PDE1A: variants seen among roughly 807,000 people sequenced by gnomAD.
PDE1A encodes dual specificity calcium/calmodulin-dependent 3',5'-cyclic nucleotide phosphodiesterase 1A.
PDE1A carries 35 observed loss-of-function variants against 61.7 expected under a neutral mutation model. That is an observed-to-expected ratio of 0.57 (90% CI 0.43 to 0.75). The LOEUF (loss-of-function observed/expected upper bound fraction) is 0.75, where lower values mean the gene tolerates loss of function less well. Ranked by LOEUF, PDE1A falls within the 30% of genes least tolerant of loss-of-function variation. The probability of loss-of-function intolerance (pLI) is 0.00; values close to 1 mark genes in which losing one functional copy is unlikely to be tolerated. For synonymous variants in PDE1A, 232 were observed against 213.2 expected, an observed-to-expected ratio of 1.09 and a Z score of -0.77; for missense variants, 597 against 630.6, an observed-to-expected ratio of 0.95 and a Z score of 0.57.
At chr2:182,406,747 C>T (rs1702318417) in intron 1 of PDE1A, among the ~76,000 whole-genome samples, 1 of 151,854 alleles carries the variant, frequency 6.6e-6, no homozygotes, top group African/African-American at 2.4e-5. Flanking sequence ...TGAAATTGTG[C>T]TGGTATACCA....
At chr2:182,197,006 C>T (rs1686186991) in intron 10 of PDE1A, among the ~76,000 whole-genome samples, 1 of 151,662 alleles carries the variant, frequency 6.6e-6, no homozygotes, top group Admixed American at 6.6e-5. Flanking sequence ...CAGTAGTTTT[C>T]CAGAGTGATT....
intron 1 of PDE1A, among the ~76,000 whole-genome samples, chr2:182,344,446 G>T (rs1476929627): frequency 6.6e-6 from 1 of 152,102 alleles, no homozygotes; most frequent in Non-Finnish European, 1.5e-5. Flanking sequence ...AACATAATTT[G>T]ATTGTCTCCA....
rs574106876 is a variant in PDE1A at position 182,252,463 on chromosome 2, A to G, written c.167+11838T>C. On this transcript the variant is annotated intron_variant, in intron 2 of 13. Transcript: ENST00000351439. The stretch of plus-strand genomic sequence containing the variant: ...GGAAAAATCCATGTCCCATGGAAGG[A>G]AGAGAGACCCAGGAAAAGATAATAG... 2.0e-5 allele frequency among the ~76,000 whole-genome samples: 3 copies of G among 152,310 alleles called. No homozygotes were observed. The South Asian group carries it at 6.2e-4, about 32-fold the overall frequency.
At chr2:182,265,323 G>A (rs1481502189) in intron 1 of PDE1A, among the ~76,000 whole-genome samples, 1 of 151,952 alleles carries the variant, frequency 6.6e-6, no homozygotes, top group Non-Finnish European at 1.5e-5. Context: ...AAAACAAAGA[G>A]TGCTTTTCTG....
chr2:182,261,077 G>C (rs942962477), intron 2 of PDE1A, among the ~76,000 whole-genome samples: 6 of 152,096 alleles, frequency 3.9e-5, no homozygotes, highest in Non-Finnish European at 5.9e-5. Context: ...TTAGCATATA[G>C]TGGGCCCTTA....
intron 1 of PDE1A, among the ~76,000 whole-genome samples, chr2:182,316,878 T>G (rs1696370698): frequency 6.6e-6 from 1 of 152,204 alleles, no homozygotes; most frequent in African/African-American, 2.4e-5. Flanking sequence ...AAAGAAAATC[T>G]GCCAAATTGC....
chr2:182,684,765 G>A, the PDE1A span, among the ~76,000 whole-genome samples: 4 of 151,926 alleles, frequency 2.6e-5, no homozygotes, highest in Non-Finnish European at 4.4e-5. Context: ...TGGCCAGGCT[G>A]GTCTCGAATT....
At chr2:182,569,649 G>C in the PDE1A span, among the ~76,000 whole-genome samples, 1 of 152,208 alleles carries the variant, frequency 6.6e-6, no homozygotes, top group Non-Finnish European at 1.5e-5. Flanking sequence ...TGGTTTCAAA[G>C]TAGAAATGGA....
the PDE1A span, among the ~76,000 whole-genome samples, chr2:182,680,356 A>T: frequency 6.6e-6 from 1 of 152,090 alleles, no homozygotes; most frequent in East Asian, 1.9e-4. Flanking sequence ...GACTACAGGG[A>T]TGCATCACCA....
chr2:182,264,287 A>C lies in PDE1A; in HGVS notation c.167+14T>G. 1.3e-6 allele frequency: 2 copies of C among 1,515,856 alleles called. No homozygotes were observed. Among genetic ancestry groups the C allele is most frequent in the Non-Finnish European group, 1.8e-6 (2 of 1,096,950 alleles). The allele number at this position is 1,515,856 out of a possible 1,614,324, so 93.9% of individuals were successfully genotyped here. A position where few individuals can be genotyped will look rare whatever the true frequency, so the allele number is the denominator to read the frequency against. On this transcript the variant is annotated intron_variant, in intron 2 of 13. Transcript: ENST00000351439. ...GAATCAAAGAAGATAAAAGAGAAGAAGGTTAAAACTTACCTTGTTTCATCG... is the reference window on the plus strand; with the variant it reads ...GAATCAAAGAAGATAAAAGAGAAGACGGTTAAAACTTACCTTGTTTCATCG...
chr2:182,229,218 T>C (rs1689372781), intron 6 of PDE1A, among the ~76,000 whole-genome samples: 2 of 152,162 alleles, frequency 1.3e-5, no homozygotes, highest in Admixed American at 1.3e-4. Flanking sequence ...AGGAATTTTT[T>C]TTTAAATGAT....
chr2:182,561,688 G>A, the PDE1A span, among the ~76,000 whole-genome samples: 2 of 152,066 alleles, frequency 1.3e-5, no homozygotes, highest in Non-Finnish European at 2.9e-5. Context: ...CTACCCATGA[G>A]CATGGAATGT....
chr2:182,685,779 G>C, the PDE1A span, among the ~76,000 whole-genome samples: 2 of 152,128 alleles, frequency 1.3e-5, no homozygotes, highest in Non-Finnish European at 2.9e-5. Context: ...AAGTGCTTTT[G>C]CTTTTTGATC....
chr2:182,619,651 AT>A, the PDE1A span, among the ~76,000 whole-genome samples: 33 of 152,068 alleles, frequency 2.2e-4, no homozygotes, highest in Non-Finnish European at 1.2e-4. Flanking sequence ...ATAGGACAAG[AT>A]TTTTTTCTTT....
chr2:182,491,186 G>A (rs569619234), intron 2 of PDE1A, among the ~76,000 whole-genome samples: 45 of 152,292 alleles, frequency 3.0e-4, no homozygotes, highest in Middle Eastern at 3.4e-3. Flanking sequence ...GTGGTCATAC[G>A]TTTAGGGTAA....
At chr2:182,312,459 TTTGAG>T (rs1262025881) in intron 1 of PDE1A, among the ~76,000 whole-genome samples, 1 of 152,192 alleles carries the variant, frequency 6.6e-6, no homozygotes. Context: ...TATAATTCAT[TTTGAG>T]TTAATATTTT....
chr2:182,549,803 T>C, the PDE1A span, among the ~76,000 whole-genome samples: 2 of 152,178 alleles, frequency 1.3e-5, no homozygotes, highest in African/African-American at 4.8e-5. Context: ...ATATTACTTA[T>C]AGACAGGGTT....
At chr2:182,639,715 A>G in the PDE1A span, among the ~76,000 whole-genome samples, 1 of 152,010 alleles carries the variant, frequency 6.6e-6, no homozygotes, top group Admixed American at 6.6e-5. Context: ...AATTTAAAAG[A>G]ATGAGAAAAT....
chr2:182,620,981 G>A, the PDE1A span, among the ~76,000 whole-genome samples: 40 of 152,110 alleles, frequency 2.6e-4, no homozygotes, highest in African/African-American at 8.4e-4. Flanking sequence ...GAGACAATTC[G>A]CATTCCTGCC....
Sources: allele counts gnomAD v4.1 joint callset (sites outside exome capture counted in the v4.1 genomes callset), GRCh38; gene constraint gnomAD v4.1.1; transcripts MANE v1.5; gene names NCBI Gene and HGNC (gene_info 2026-07-23, HGNC 2026-07-21).